LRP11: variants seen among roughly 807,000 people sequenced by gnomAD.
The protein encoded by LRP11 is LDL receptor related protein 11.
A neutral mutation model predicts 43.1 loss-of-function variants in LRP11; 25 were observed. The observed-to-expected ratio is 0.58, with a 90% CI of 0.42 to 0.81. The LOEUF is 0.81. Among genes scored for constraint, LRP11 ranks in the 30% least tolerant of loss-of-function variants. LRP11 has a pLI of 0.00. For synonymous variants in LRP11, 316 were observed against 299.4 expected, an observed-to-expected ratio of 1.06 and a Z score of -0.57; for missense variants, 623 against 665.1, an observed-to-expected ratio of 0.94 and a Z score of 0.70.
chr6:149,838,555 T>C (rs191353737), intron 3 of LRP11, among the ~76,000 whole-genome samples: 4 of 151,590 alleles, frequency 2.6e-5, no homozygotes, highest in African/African-American at 7.3e-5. Flanking sequence ...CTTGGTGGCA[T>C]GCACCTGTAG....
intron 5 of LRP11, among the ~76,000 whole-genome samples, chr6:149,828,783 C>T (rs548515547): frequency 6.6e-6 from 1 of 152,188 alleles, no homozygotes; most frequent in South Asian, 2.1e-4. Flanking sequence ...AGCCACAGCA[C>T]CTGACCTAAA....
chr6:149,844,133 G>A (rs1776593382), intron 2 of LRP11, among the ~76,000 whole-genome samples: 1 of 151,730 alleles, frequency 6.6e-6, no homozygotes, highest in Non-Finnish European at 1.5e-5. Context: ...TGCGCCTGTA[G>A]TCCCAGGTAC....
At chr6:149,823,649 C>T (rs895412814) in intron 6 of LRP11, among the ~76,000 whole-genome samples, 8 of 152,162 alleles carry the variant, frequency 5.3e-5, no homozygotes, top group African/African-American at 1.9e-4. Flanking sequence ...ACTCACGGCA[C>T]TTGAACTCTG....
At position 149,827,212 on chromosome 6, in the gene LRP11, A is replaced by G. The variant is rs976983660; in HGVS notation, c.1253-853T>C. On this transcript the variant is annotated intron_variant, in intron 5 of 6. Transcript: ENST00000239367. This position sits in a 1 kb window ranked among gnomAD's most constrained non-coding sequence, Gnocchi z 4.2. ...AGTGATCCGCTCACCTCAGCCTCCC[A>G]AAGTGCTGGGATGACAGGCGTGAGC... Among the ~76,000 whole-genome samples the G allele has an allele frequency of 2.0e-5, 3 of 152,128 alleles. No individual in the cohort carries two copies. Among genetic ancestry groups the G allele is most frequent in the African/African-American group, 7.2e-5 (3 of 41,418 alleles).
rs1046196767 is a variant in LRP11, at chr6:149,834,021, C to A, written c.1252+2064G>T. ...AGCTGTTCTGCCTGATGCTCCCCCTCCCCCTACCTCCCACCCTCTGACAGG... is the reference window on the plus strand; with the variant it reads ...AGCTGTTCTGCCTGATGCTCCCCCTACCCCTACCTCCCACCCTCTGACAGG... On this transcript the variant is annotated intron_variant, in intron 5 of 6. Coordinates refer to ENST00000239367, the MANE Select transcript of LRP11 (RefSeq NM_032832.6). Among the ~76,000 whole-genome samples, 6 of 152,122 alleles carry A rather than the reference C, an allele frequency of 3.9e-5. No homozygotes were observed. In the East Asian group the frequency reaches 1.2e-3, roughly 29 times the overall value.
chr6:149,863,109 C>G (rs1386238659), intron 1 of LRP11, among the ~76,000 whole-genome samples: 1 of 152,118 alleles, frequency 6.6e-6, no homozygotes, highest in East Asian at 1.9e-4. Flanking sequence ...GAGACTAAAA[C>G]AAACTTTTTT....
intron 3 of LRP11, among the ~76,000 whole-genome samples, chr6:149,841,329 TG>T (rs1776543964): frequency 6.6e-6 from 1 of 152,212 alleles, no homozygotes; most frequent in African/African-American, 2.4e-5. Flanking sequence ...TATTGAATAC[TG>T]AGAATTCAAA....
rs1583103657 is a variant in LRP11, at chr6:149,863,486, T to G, written c.535A>C (p.Ser179Arg). The G allele has an allele frequency of 7.4e-7, 1 of 1,342,950 alleles. No individual in the cohort carries two copies. Among genetic ancestry groups the G allele is most frequent in the African/African-American group, 1.5e-5 (1 of 65,040 alleles). The allele number at this position is 1,342,950 out of a possible 1,614,324, so 83.2% of individuals were successfully genotyped here. A position where few individuals can be genotyped will look rare whatever the true frequency, so the allele number is the denominator to read the frequency against. Residue 179 changes from serine to arginine, a missense_variant, in exon 1 of 7, where the codon AGC becomes CGC. Ser to Arg is a moderately radical substitution (Grantham distance 110, BLOSUM62 -1). Coordinates refer to ENST00000239367, the MANE Select transcript of LRP11 (RefSeq NM_032832.6). ...CTGAGGCTGTAGCTGCTGTAGCCGCTGTGCAGCGCGAACTTGCAGACGTTG... is the reference window on the plus strand; with the variant it reads ...CTGAGGCTGTAGCTGCTGTAGCCGCGGTGCAGCGCGAACTTGCAGACGTTG... The part of the protein sequence containing the change: ...GRNVCKFALH[S>R]GYSSYSLSRA...
rs563841436 is a variant in LRP11, at chr6:149,848,644, C to T, written c.771+4359G>A. Among the ~76,000 whole-genome samples the T allele has an allele frequency of 1.4e-4, 21 of 152,190 alleles. 2 individuals carry two copies. The South Asian group carries it at 4.4e-3, about 32-fold the overall frequency. ...TAATGCAAGAACAGAAAACCAAATA[C>T]CACATGTTCTCACTTATAAGTGGGA... On this transcript the variant is annotated intron_variant, in intron 2 of 6. Coordinates refer to ENST00000239367, the MANE Select transcript of LRP11 (RefSeq NM_032832.6).
chr6:149,829,087 A>C (rs567108655), intron 5 of LRP11, among the ~76,000 whole-genome samples: 1 of 152,278 alleles, frequency 6.6e-6, no homozygotes, highest in African/African-American at 2.4e-5. Flanking sequence ...CAAACTGCTA[A>C]GTTACCTAAA....
At chr6:149,854,182 T>G (rs943117054) in intron 1 of LRP11, among the ~76,000 whole-genome samples, 14 of 152,232 alleles carry the variant, frequency 9.2e-5, no homozygotes, top group African/African-American at 3.4e-4. Flanking sequence ...TGGTGCACGA[T>G]CATAGCTCAC....
At chr6:149,854,129 T>C (rs1031225058) in intron 1 of LRP11, among the ~76,000 whole-genome samples, 24 of 152,224 alleles carry the variant, frequency 1.6e-4, no homozygotes, top group Admixed American at 1.4e-3. Context: ...ACCTTTGTTT[T>C]TGTTTTGTTT....
chr6:149,822,845 T>C (rs1776294078), intron 6 of LRP11, among the ~76,000 whole-genome samples: 1 of 152,140 alleles, frequency 6.6e-6, no homozygotes, highest in South Asian at 2.1e-4. Flanking sequence ...AGGAGGTAAG[T>C]TTATTTTTTG....
chr6:149,822,415 G>A (rs991145868), intron 6 of LRP11, among the ~76,000 whole-genome samples: 3 of 151,666 alleles, frequency 2.0e-5, no homozygotes, highest in South Asian at 2.1e-4. Flanking sequence ...GGCTAAAGCA[G>A]AAGGATCACT....
At position 149,863,553 on chromosome 6, in the gene LRP11, G is replaced by C. The variant is rs1297569874; in HGVS notation, c.468C>G (p.Ala156=). Residue 156 remains alanine (A), a synonymous_variant, in exon 1 of 7, where the codon GCC becomes GCG. Transcript: ENST00000239367. ...ELPRRPAPPA[A]VLGCYLFNCT... ...AGTTGAAGAGGTAGCAGCCGAGCAC[G>C]GCTGCCGGGGGCGCGGGGCGCCGGG... 2 of 1,373,982 alleles carry C rather than the reference G, an allele frequency of 1.5e-6. No individual in the cohort carries two copies. The highest frequency in any genetic ancestry group is 1.9e-6 in the Non-Finnish European group (2 of 1,071,254). 85.1% of individuals were successfully genotyped at this position (1,373,982 alleles called of 1,614,324 possible). A position where few individuals can be genotyped will look rare whatever the true frequency, so the allele number is the denominator to read the frequency against.
At position 149,827,410 on chromosome 6, in the gene LRP11, A is replaced by G. The variant is rs116358168; in HGVS notation, c.1253-1051T>C. On this transcript the variant is annotated intron_variant, in intron 5 of 6. Coordinates refer to ENST00000239367, the MANE Select transcript of LRP11 (RefSeq NM_032832.6). This position sits in a 1 kb window ranked among gnomAD's most constrained non-coding sequence, Gnocchi z 4.2. ...AAATGAAATAAGACTATTTAAAGGT[A>G]GTATATAAAATTCTTTGGTAACTTG... Among the ~76,000 whole-genome samples, 1,585 of 152,364 alleles carry G rather than the reference A, an allele frequency of 0.01. 25 individuals carry two copies. The highest frequency in any genetic ancestry group is 0.037 in the African/African-American group (1,524 of 41,576).
At chr6:149,840,141 C>T (rs928659826) in intron 3 of LRP11, among the ~76,000 whole-genome samples, 1 of 152,140 alleles carries the variant, frequency 6.6e-6, no homozygotes, top group Non-Finnish European at 1.5e-5. Context: ...ATCTGTCTAC[C>T]TCAGCTAGTG....
At chr6:149,862,268 T>C (rs1032730244) in intron 1 of LRP11, among the ~76,000 whole-genome samples, 3 of 152,190 alleles carry the variant, frequency 2.0e-5, no homozygotes, top group African/African-American at 7.2e-5. Context: ...TTTCAATGGA[T>C]CCACAGGTTT....
At chr6:149,857,886 T>C (rs1776825314) in intron 1 of LRP11, among the ~76,000 whole-genome samples, 1 of 152,164 alleles carries the variant, frequency 6.6e-6, no homozygotes, top group Non-Finnish European at 1.5e-5. Flanking sequence ...AATTTCCTTG[T>C]ACCAGGTACC....
Sources: allele counts gnomAD v4.1 joint callset (sites outside exome capture counted in the v4.1 genomes callset), GRCh38; gene constraint gnomAD v4.1.1; non-coding constraint Gnocchi (gnomAD v3.1); transcripts MANE v1.5; gene names NCBI Gene and HGNC (gene_info 2026-07-23, HGNC 2026-07-21).